ABCC1: variants seen among roughly 807,000 people sequenced by gnomAD.
The protein encoded by ABCC1 is multidrug resistance-associated protein 1.
A neutral mutation model predicts 172.9 loss-of-function variants in ABCC1; 83 were observed. That is an observed-to-expected ratio of 0.48 (90% confidence interval 0.40 to 0.58). The LOEUF is 0.58. Ranked by LOEUF, ABCC1 falls within the 20% of genes least tolerant of loss-of-function variation. The probability of loss-of-function intolerance (pLI) is 0.00; values close to 1 mark genes in which losing one functional copy is unlikely to be tolerated. For synonymous variants in ABCC1, 937 were observed against 825.2 expected, an observed-to-expected ratio of 1.14 and a Z score of -2.32; for missense variants, 1,817 against 2,002.7, an observed-to-expected ratio of 0.91 and a Z score of 1.77.
chr16:16,103,524 G>A (rs571513945), intron 20 of ABCC1, among the ~76,000 whole-genome samples: 1 of 152,318 alleles, frequency 6.6e-6, no homozygotes, highest in South Asian at 2.1e-4. Flanking sequence ...AGGTTGCAGT[G>A]AGCCGAGATT....
chr16:15,986,992 C>T (rs1034141779), intron 1 of ABCC1, among the ~76,000 whole-genome samples: 11 of 152,050 alleles, frequency 7.2e-5, no homozygotes, highest in African/African-American at 2.7e-4. Context: ...TGGCGAAACC[C>T]CATCTCTCCT....
In ABCC1 at chr16:16,142,805, G is replaced by A. The variant is rs889664780; in HGVS notation, c.*1524G>A. The A allele has an allele frequency of 2.0e-5, 3 of 152,506 alleles. No homozygotes were observed. Among genetic ancestry groups the A allele is most frequent in the Non-Finnish European group, 4.4e-5 (3 of 68,032 alleles). 9.4% of individuals were successfully genotyped at this position (152,506 alleles called of 1,614,324 possible). On this transcript the variant is annotated 3_prime_UTR_variant, in exon 31 of 31. Transcript: ENST00000399410. ...TAAAGCCTGTTCTTTAAGGTGTCTC[G>A]TTAGAGCCCAAAGTGGAATCCGGAA...
At chr16:16,137,445 C>T (rs2045957899) in intron 29 of ABCC1, among the ~76,000 whole-genome samples, 2 of 150,486 alleles carry the variant, frequency 1.3e-5, no homozygotes, top group Non-Finnish European at 1.5e-5. Flanking sequence ...GCTGTCCTTA[C>T]TTTTGCTGGT....
chr16:16,082,569 G>A (rs1006781211), intron 16 of ABCC1, among the ~76,000 whole-genome samples: 1 of 144,238 alleles, frequency 6.9e-6, no homozygotes, highest in Non-Finnish European at 1.5e-5. Context: ...ATGGATGCTT[G>A]ATATAGGAGT....
At chr16:16,080,510 T>C (rs1350062040) in intron 16 of ABCC1, among the ~76,000 whole-genome samples, 1 of 152,156 alleles carries the variant, frequency 6.6e-6, no homozygotes, top group Non-Finnish European at 1.5e-5. Context: ...TGCATTTAGT[T>C]CACTCCCCAT....
At chr16:16,082,897 C>T (rs1372124868) in intron 16 of ABCC1, among the ~76,000 whole-genome samples, 1 of 152,190 alleles carries the variant, frequency 6.6e-6, no homozygotes, top group Non-Finnish European at 1.5e-5. Context: ...GTCTGCCTGC[C>T]TTGGCCTCCC....
rs147176706 is a variant in ABCC1, at chr16:16,032,857, A to G, written c.616-252A>G. Among the ~76,000 whole-genome samples, 1,187 of 152,322 alleles carry G rather than the reference A, an allele frequency of 7.8e-3. 12 individuals are homozygous for G. Among genetic ancestry groups the G allele is most frequent in the South Asian group, 0.021 (100 of 4,822 alleles). On this transcript the variant is annotated intron_variant, in intron 5 of 30. Coordinates refer to ENST00000399410, the MANE Select transcript of ABCC1 (RefSeq NM_004996.4). ...TTGTTGTGGGGATAGAAGACAAGGC[A>G]GGTCTATAGCATGTTGTATTGTGGT...
At chr16:16,120,977 T>A (rs2045127030) in intron 23 of ABCC1, among the ~76,000 whole-genome samples, 1 of 152,124 alleles carries the variant, frequency 6.6e-6, no homozygotes, top group Non-Finnish European at 1.5e-5. Context: ...TACTGTTAGG[T>A]CAAACTATAT....
intron 1 of ABCC1, among the ~76,000 whole-genome samples, chr16:15,999,305 A>G (rs2047164643): frequency 6.6e-6 from 1 of 151,870 alleles, no homozygotes; most frequent in Admixed American, 6.6e-5. Context: ...GTGCCCAGCC[A>G]AAAAAATTTT....
Position 16,124,831 on chromosome 16 carries a change from T to A in ABCC1, c.3633T>A (p.Val1211=). Residue 1211 remains valine, a synonymous_variant, in exon 25 of 31, where the codon GTT becomes GTA. Transcript: ENST00000399410. The part of the protein sequence containing the change: ...VRLECVGNCI[V]LFAALFAVIS... ...TGGAGTGTGTGGGCAACTGCATCGTTCTGTTTGCTGCCCTGTTTGCGGTGA... is the reference window on the plus strand; with the variant it reads ...TGGAGTGTGTGGGCAACTGCATCGTACTGTTTGCTGCCCTGTTTGCGGTGA... The A allele has an allele frequency of 6.2e-7, 1 of 1,614,192 alleles. No homozygotes were observed. The highest frequency in any genetic ancestry group is 1.1e-5 in the South Asian group (1 of 91,078).
chr16:16,105,991 C>T (rs1440306463), intron 20 of ABCC1, among the ~76,000 whole-genome samples: 2 of 151,728 alleles, frequency 1.3e-5, no homozygotes, highest in African/African-American at 4.8e-5. Context: ...ATTCTCCTGC[C>T]TCAACCTCCC....
chr16:15,999,810 C>CCTT (rs2047207216), intron 1 of ABCC1, among the ~76,000 whole-genome samples: 1 of 2,308 alleles, frequency 4.3e-4, no homozygotes, highest in Non-Finnish European at 5.5e-3. Flanking sequence ...TCTCTCTCTC[C>CCTT]TCTCTCTCTC....
At chr16:16,131,573 G>A (rs2045673576) in intron 26 of ABCC1, among the ~76,000 whole-genome samples, 2 of 151,898 alleles carry the variant, frequency 1.3e-5, no homozygotes, top group South Asian at 4.2e-4. Flanking sequence ...GGGACAGAGG[G>A]ACACAGGGCT....
intron 3 of ABCC1, among the ~76,000 whole-genome samples, chr16:16,013,237 C>T (rs370707899): frequency 1.3e-5 from 2 of 151,348 alleles, no homozygotes; most frequent in South Asian, 4.2e-4. Flanking sequence ...TATGCAGGCA[C>T]TGGTAATATG....
Position 16,052,835 on chromosome 16 carries a change from C to G in ABCC1, c.1473+19C>G. ...GTATCAGGTAAGGCATGTGTCTCTGCGGGCCCCCAAGCCGGGCCCTAGGCA... is the reference window on the plus strand; with the variant it reads ...GTATCAGGTAAGGCATGTGTCTCTGGGGGCCCCCAAGCCGGGCCCTAGGCA... On this transcript the variant is annotated intron_variant, in intron 11 of 30. Coordinates refer to ENST00000399410, the MANE Select transcript of ABCC1 (RefSeq NM_004996.4). The G allele has an allele frequency of 6.2e-7, 1 of 1,612,782 alleles. No individual in the cohort carries two copies. The highest frequency in any genetic ancestry group is 8.5e-7 in the Non-Finnish European group (1 of 1,178,824).
upstream of ABCC1, among the ~76,000 whole-genome samples, chr16:15,949,258 CAGGT>C (rs78406266): frequency 0.12 from 18,522 of 151,948 alleles, 1,437 homozygotes; most frequent in East Asian, 0.32. Flanking sequence ...ACACTCCAGG[CAGGT>C]AGGGGGCTCC....
chr16:15,997,534 C>G (rs891967845), intron 1 of ABCC1, among the ~76,000 whole-genome samples: 1 of 152,170 alleles, frequency 6.6e-6, no homozygotes, highest in Non-Finnish European at 1.5e-5. Context: ...CCTTCTGATT[C>G]TGCTCAGAGC....
intron 5 of ABCC1, among the ~76,000 whole-genome samples, chr16:16,017,032 C>T (rs1003167267): frequency 6.6e-6 from 1 of 152,122 alleles, no homozygotes. Context: ...CCGGCACTCC[C>T]TGTTGTATTA....
In ABCC1 at chr16:16,102,611, G is replaced by C. The variant is rs1364379746; in HGVS notation, c.2645-16G>C. 3 of 1,564,824 alleles carry C rather than the reference G, an allele frequency of 1.9e-6. No individual in the cohort carries two copies. Among genetic ancestry groups the C allele is most frequent in the African/African-American group, 1.4e-5 (1 of 73,842 alleles). On this transcript the variant is annotated splice_polypyrimidine_tract_variant and intron_variant, in intron 19 of 30. Transcript: ENST00000399410. ...TCATATAACCCCACTTGCCCCCTTT[G>C]TCTCTCTTCTGCCAGGGGTCACGGG...
Sources: gnomAD v4.1 joint callset for allele counts (sites outside exome capture counted in the v4.1 genomes callset) on GRCh38, gnomAD v4.1.1 for gene constraint, MANE v1.5 for transcripts, NCBI Gene and HGNC (gene_info 2026-07-23, HGNC 2026-07-21) for gene names.